Variants in IDUA observed in about 807,000 individuals in gnomAD.
The protein encoded by IDUA is iduronidase alpha-L-.
A neutral mutation model predicts 68.9 loss-of-function variants in IDUA; 65 were observed. The ratio of observed to expected loss-of-function variants is 0.94; its 90% CI spans 0.77 to 1.16. The LOEUF (loss-of-function observed/expected upper bound fraction) is 1.16, where lower values mean the gene tolerates loss of function less well. IDUA is among the 50% of genes most tolerant of loss of function. The pLI is 0.00. For synonymous variants in IDUA, 529 were observed against 433.6 expected (o/e 1.22, Z -2.73); for missense variants, 1,046 against 938.0 (o/e 1.12, Z -1.50).
At chr4:1,003,221 G>A (rs1055903624) in intron 10 of IDUA, 64 bp downstream of exon 10, 15 of 1,276,842 alleles carry the variant, frequency 1.2e-5, no homozygotes, top group African/African-American at 1.6e-5. Context: ...GTGGGGTCCG[G>A]GGCGGGGGCT....
Position 1,001,966 on chromosome 4 carries a change from G to T in IDUA, c.793-16G>T. On this transcript the variant is annotated splice_polypyrimidine_tract_variant and intron_variant, in intron 6 of 13. Coordinates refer to ENST00000514224, the MANE Select transcript of IDUA (RefSeq NM_000203.5). ...CCGCGCTGACCCTGGTGGTGCTGAG[G>T]CGGCCCCGCCCGCAGGGTGCGCGCA... 1 of 1,575,398 alleles carries T rather than the reference G, an allele frequency of 6.3e-7. No homozygotes were observed. Among genetic ancestry groups the T allele is most frequent in the East Asian group, 2.3e-5 (1 of 43,370 alleles).
intron 2 of IDUA, among the ~76,000 whole-genome samples, chr4:996,695 C>A (rs1017585745): frequency 6.6e-6 from 1 of 152,224 alleles, no homozygotes; most frequent in African/African-American, 2.4e-5. Flanking sequence ...ACTGCAGGAT[C>A]CTTGGGGCCT....
intron 2 of IDUA, chr4:990,473 T>C (rs1714199878): frequency 9.2e-7 from 1 of 1,091,422 alleles, no homozygotes; most frequent in Non-Finnish European, 1.3e-6. Context: ...ACCTGACAAT[T>C]CTGTGTTGCG....
chr4:1,002,552 C>T, intron 8 of IDUA, 67 bp downstream of exon 8: 1 of 1,363,798 alleles, frequency 7.3e-7, no homozygotes. Context: ...CCTGCGAAGG[C>T]CCCGCTGCGG....
At chr4:1,002,642 A>G in intron 8 of IDUA, 90 bp from the exon 9 acceptor site, 2 of 1,172,764 alleles carry the variant, frequency 1.7e-6, no homozygotes, top group Admixed American at 2.5e-5. Flanking sequence ...CACCAAGGGG[A>G]GGGGGAGCGA....
In IDUA at chr4:1,002,063, G is replaced by T; in HGVS notation, c.874G>T (p.Asp292Tyr). 6.3e-7 allele frequency: 1 copy of T among 1,594,894 alleles called. No homozygotes were observed. The change falls in exon 7 of 14, where the codon GAC becomes TAC. Residue 292 changes from aspartate to tyrosine, a missense_variant. Physicochemically the swap from Asp to Tyr is radical, Grantham distance 160 (BLOSUM62 -3). Transcript: ENST00000514224. ...QIRQLFPKFA[D>Y]TPIYNDEADP... ...CCGGCAGCTCTTCCCCAAGTTCGCG[G>T]ACACCCCCATTTACAACGACGAGGC...
intron 2 of IDUA, chr4:992,105 C>T (rs368552547): frequency 5.8e-5 from 29 of 501,020 alleles, no homozygotes; most frequent in Admixed American, 3.4e-4. Flanking sequence ...ACCTCCCCAA[C>T]GGGGCAGGAA....
intron 2 of IDUA, among the ~76,000 whole-genome samples, chr4:994,736 C>T (rs1366687798): frequency 4.0e-5 from 6 of 151,270 alleles, no homozygotes; most frequent in Admixed American, 6.6e-5. Context: ...TGCACCCGGC[C>T]GCCCCCTGCC....
chr4:990,609 G>A (rs892830619), intron 2 of IDUA: 3 of 551,894 alleles, frequency 5.4e-6, no homozygotes, highest in East Asian at 3.0e-5. Flanking sequence ...CCATAGACAC[G>A]TCTAACCCTT....
intron 2 of IDUA, among the ~76,000 whole-genome samples, chr4:996,287 T>A (rs573586462): frequency 6.6e-6 from 1 of 152,224 alleles, no homozygotes; most frequent in East Asian, 1.9e-4. Context: ...CCCCTCTGGG[T>A]GCAGCCACCA....
At chr4:990,041 C>A in intron 2 of IDUA, 1 of 1,599,048 alleles carries the variant, frequency 6.3e-7, no homozygotes, top group Middle Eastern at 1.7e-4. Flanking sequence ...GTGGCCACCA[C>A]GATGACCAGC....
At chr4:988,163 C>T (rs1713896820) in intron 2 of IDUA, 3 of 1,395,132 alleles carry the variant, frequency 2.2e-6, no homozygotes, top group South Asian at 1.6e-5. Flanking sequence ...CTGCAGGTCT[C>T]CCTGCAGGCT....
At chr4:1,002,965 G>A in intron 9 of IDUA, 21 bp downstream of exon 9, 1 of 1,373,512 alleles carries the variant, frequency 7.3e-7, no homozygotes, top group Non-Finnish European at 9.4e-7. Context: ...GTTCCAGGGA[G>A]GTCTCTGGCC....
intron 2 of IDUA, among the ~76,000 whole-genome samples, chr4:996,944 G>A (rs1224993484): frequency 6.6e-6 from 1 of 152,122 alleles, no homozygotes; most frequent in Non-Finnish European, 1.5e-5. Flanking sequence ...CAGCAACTGG[G>A]ACCTGCCTGA....
chr4:998,511 C>T (rs114180365), intron 2 of IDUA, among the ~76,000 whole-genome samples: 2,205 of 152,278 alleles, frequency 0.014, 48 homozygotes, highest in African/African-American at 0.049. Context: ...ACCTGCGTGG[C>T]GTCCGCAGGA....
chr4:991,907 G>A (rs773830268), intron 2 of IDUA: 14 of 1,059,476 alleles, frequency 1.3e-5, no homozygotes, highest in Non-Finnish European at 1.8e-5. Flanking sequence ...ATGGATGGAC[G>A]CTGGGCCCTG....
intron 2 of IDUA, 25 bp downstream of exon 2, chr4:987,974 G>T: frequency 6.5e-7 from 1 of 1,550,280 alleles, no homozygotes; most frequent in Non-Finnish European, 8.7e-7. Flanking sequence ...GGGTCTGGGC[G>T]TCCCAGAGCC....
Position 991,714 on chromosome 4 carries a change from C to A in IDUA, c.299+3765C>A, listed in dbSNP as rs1289443188. On this transcript the variant is annotated intron_variant, in intron 2 of 13. Transcript: ENST00000514224. ...AGGGGACTCGTCCATCCTGTTGCGT[C>A]AGGTCCCGTGGCCGACCTGCGGCCG... 3.9e-6 allele frequency: 6 copies of A among 1,535,570 alleles called. No individual in the cohort carries two copies. In the East Asian group the frequency reaches 1.1e-4, roughly 29 times the overall value.
chr4:1,001,602 G>A (rs374333315), intron 5 of IDUA, 39 bp downstream of exon 5: 8 of 1,610,448 alleles, frequency 5.0e-6, no homozygotes, highest in Non-Finnish European at 6.8e-6. Context: ...GGCTGAAAGG[G>A]GGCAGAGGAA....
Sources: allele counts gnomAD v4.1 joint callset (sites outside exome capture counted in the v4.1 genomes callset), GRCh38; gene constraint gnomAD v4.1.1; transcripts MANE v1.5; gene names NCBI Gene and HGNC (gene_info 2026-07-23, HGNC 2026-07-21).